HAPLN3: variants seen among roughly 807,000 people sequenced by gnomAD.
HAPLN3 encodes extracellular link domain containing, 1.
Under a neutral mutation model 28.1 loss-of-function variants are expected in HAPLN3, and 28 were observed. That is an observed-to-expected ratio of 1.00 (90% CI 0.74 to 1.37). HAPLN3 has a LOEUF of 1.37. HAPLN3 is among the 40% of genes most tolerant of loss of function. HAPLN3 has a pLI of 0.00. For missense variants in HAPLN3, 513 were observed against 504.6 expected (o/e 1.02, Z -0.16); for synonymous variants, 211 against 213.1 (o/e 0.99, Z 0.09).
intron 1 of HAPLN3, chr15:88,893,076 C>T (rs1348704040): frequency 7.6e-6 from 8 of 1,052,336 alleles, no homozygotes; most frequent in South Asian, 1.4e-5. Context: ...TGAGTGACTT[C>T]GGGCAAGTTC....
chr15:88,887,290 C>G lies in HAPLN3; in HGVS notation c.9G>C (p.Leu3=), dbSNP rs1897887984. ...GCAGGAGCAACGGGACCAGGAGCAACAGGCCCATCTCCTCATGCCAGGGTG... is the reference window on the plus strand; with the variant it reads ...GCAGGAGCAACGGGACCAGGAGCAAGAGGCCCATCTCCTCATGCCAGGGTG... The part of the protein sequence containing the change: MG[L]LLLVPLLLLP... Residue 3 remains leucine (L), a synonymous_variant, in exon 2 of 5, where the codon CTG becomes CTC. Transcript: ENST00000359595. 6.2e-7 allele frequency: 1 copy of G among 1,613,968 alleles called. No homozygotes were observed.
At chr15:88,883,668 A>ACATT (rs1411450331) in intron 2 of HAPLN3, among the ~76,000 whole-genome samples, 1 of 152,262 alleles carries the variant, frequency 6.6e-6, no homozygotes, top group Non-Finnish European at 1.5e-5. Context: ...TGGTAGATGT[A>ACATT]CATTCAATCA....
rs570141407 is a variant in HAPLN3 at position 88,888,492 on chromosome 15, T to C, written c.-47-1147A>G. Among the ~76,000 whole-genome samples, 1 of 152,140 alleles carries C rather than the reference T, an allele frequency of 6.6e-6. No homozygotes were observed. The highest frequency in any genetic ancestry group is 2.4e-5 in the African/African-American group (1 of 41,458). On this transcript the variant is annotated intron_variant, in intron 1 of 4. Transcript: ENST00000359595. This position sits in a 1 kb window ranked among gnomAD's most constrained non-coding sequence, Gnocchi z 4.1. ...CAACCCATGGGCTGTAGTTTGATGATTTGATTTTTTTTTAAATATTGTATT... is the reference window on the plus strand; with the variant it reads ...CAACCCATGGGCTGTAGTTTGATGACTTGATTTTTTTTTAAATATTGTATT...
rs1427669730 is a variant in HAPLN3, at chr15:88,877,461, T to A, written c.*509A>T. The A allele has an allele frequency of 1.3e-5, 2 of 153,234 alleles. No homozygotes were observed. Among genetic ancestry groups the A allele is most frequent in the African/African-American group, 4.8e-5 (2 of 41,484 alleles). 9.5% of individuals were successfully genotyped at this position (153,234 alleles called of 1,614,324 possible). A position where few individuals can be genotyped will look rare whatever the true frequency, so the allele number is the denominator to read the frequency against. On this transcript the variant is annotated 3_prime_UTR_variant, in exon 5 of 5. Transcript: ENST00000359595. This position sits in a 1 kb window ranked among gnomAD's most constrained non-coding sequence, Gnocchi z 5.1. Reference sequence around the variant, plus strand: ...TTTCTTCCTTCCCTCAGCTTTCGCCTGGAAGCCTAGAACTGGCTTCCAGCC... The same window carrying A: ...TTTCTTCCTTCCCTCAGCTTTCGCCAGGAAGCCTAGAACTGGCTTCCAGCC...
intron 1 of HAPLN3, among the ~76,000 whole-genome samples, chr15:88,889,836 G>A (rs1181189333): frequency 6.6e-6 from 1 of 152,222 alleles, no homozygotes; most frequent in Non-Finnish European, 1.5e-5. Context: ...TAGGGTGTAA[G>A]TTAAAATAGA....
chr15:88,880,896 G>T lies in HAPLN3; in HGVS notation c.493+461C>A, dbSNP rs1897678149. 6.6e-6 allele frequency among the ~76,000 whole-genome samples: 1 copy of T among 152,192 alleles called. No individual in the cohort carries two copies. Among genetic ancestry groups the T allele is most frequent in the African/African-American group, 2.4e-5 (1 of 41,454 alleles). ...CATCAGCTGGGCCTGAGTAGTGTGG[G>T]AGCTCCCTGGGCACAGGACAAGGGC... is the stretch of plus-strand genomic sequence containing the variant. On this transcript the variant is annotated intron_variant, in intron 3 of 4. Transcript: ENST00000359595. The surrounding 1 kb of genome is among the most constrained non-coding windows in gnomAD (Gnocchi z 6.0).
chr15:88,884,037 C>A (rs2141663441), intron 2 of HAPLN3, among the ~76,000 whole-genome samples: 1 of 151,704 alleles, frequency 6.6e-6, no homozygotes, highest in South Asian at 2.1e-4. Flanking sequence ...CGAGATCACA[C>A]CACTGCACTG....
Position 88,892,965 on chromosome 15 carries a change from C to T in HAPLN3, c.-48+2494G>A. 5 of 1,535,748 alleles carry T rather than the reference C, an allele frequency of 3.3e-6. 1 individual carries two copies. In the South Asian group the frequency reaches 4.8e-5, roughly 15 times the overall value. On this transcript the variant is annotated intron_variant, in intron 1 of 4. Transcript: ENST00000359595. ...CTGGAAGGCCCAAGACCAAGTCCAG[C>T]CCAGTCACCTTGGCAGTGGATAGTT...
At chr15:88,878,571 T>C (rs1897601616) in intron 4 of HAPLN3, among the ~76,000 whole-genome samples, 1 of 152,202 alleles carries the variant, frequency 6.6e-6, no homozygotes, top group Non-Finnish European at 1.5e-5. Flanking sequence ...ACCTACTATG[T>C]GTCAGACACT....
At chr15:88,882,548 G>A (rs939590) in intron 2 of HAPLN3, among the ~76,000 whole-genome samples, 34,596 of 152,092 alleles carry the variant, frequency 0.23, 4,068 homozygotes, top group Middle Eastern at 0.25. Context: ...AGGAGACTAC[G>A]CTCACGGCTC....
At chr15:88,885,207 C>T (rs1765485762) in intron 2 of HAPLN3, among the ~76,000 whole-genome samples, 1 of 152,248 alleles carries the variant, frequency 6.6e-6, no homozygotes, top group Non-Finnish European at 1.5e-5. Flanking sequence ...GTGCGCTCTT[C>T]ATGGCAGGTG....
chr15:88,891,146 C>T (rs948712592), intron 1 of HAPLN3, among the ~76,000 whole-genome samples: 3 of 152,192 alleles, frequency 2.0e-5, no homozygotes, highest in African/African-American at 7.2e-5. Context: ...TCCCAAAGTG[C>T]TGGGATTACA....
intron 1 of HAPLN3, chr15:88,893,116 T>TA (rs147237068): frequency 0.06 from 46,227 of 776,444 alleles, 1,912 homozygotes; most frequent in East Asian, 0.17. Context: ...TCCTCATCTG[T>TA]AAAAAAAAGG....
At position 88,887,224 on chromosome 15, in the gene HAPLN3, G is replaced by C. The variant is rs564479272; in HGVS notation, c.75C>G (p.Tyr25Ter). 5.0e-6 allele frequency: 8 copies of C among 1,614,160 alleles called. No homozygotes were observed. In the East Asian group the frequency reaches 1.3e-4, roughly 27 times the overall value. The stretch of plus-strand genomic sequence containing the variant: ...TCTGGTCGTTGGCGCTGTTGGAGTA[G>C]TAGAAGCCGTTGTAGAAGGGCAGTC... ...SYGLPFYNGF[Y>*]YSNSANDQNL... Residue 25 changes from tyrosine to a stop codon, truncating the protein, a stop_gained, in exon 2 of 5, where the codon TAC (tyrosine) becomes TAG (stop). Transcript: ENST00000359595. LOFTEE classifies it high-confidence loss of function.
At position 88,881,744 on chromosome 15, in the gene HAPLN3, TG is replaced by T. The variant is rs1734661511; in HGVS notation, c.125-20del. On this transcript the variant is annotated intron_variant, in intron 2 of 4. Coordinates refer to ENST00000359595, the MANE Select transcript of HAPLN3 (RefSeq NM_178232.4). This position sits in a 1 kb window ranked among gnomAD's most constrained non-coding sequence, Gnocchi z 6.0. ...AGGAGGTCTTGGGGGAGAGACAGGG[TG>T]CAGATGAGACCTGCTGAAGCACATC... The T allele has an allele frequency of 6.3e-7, 1 of 1,594,154 alleles. No individual in the cohort carries two copies. The highest frequency in any genetic ancestry group is 1.7e-5 in the Admixed American group (1 of 59,022).
chr15:88,890,985 T>C (rs1043995371), intron 1 of HAPLN3, among the ~76,000 whole-genome samples: 5 of 151,806 alleles, frequency 3.3e-5, no homozygotes, highest in Non-Finnish European at 7.4e-5. Flanking sequence ...CAAGCAATTC[T>C]TCCTGCCTCA....
chr15:88,895,410 C>G lies in HAPLN3; in HGVS notation c.-48+49G>C. 6.6e-6 allele frequency: 1 copy of G among 152,520 alleles called. No homozygotes were observed. Among genetic ancestry groups the G allele is most frequent in the African/African-American group, 2.4e-5 (1 of 41,454 alleles). The allele number at this position is 152,520 out of a possible 1,614,324, so 9.4% of individuals were successfully genotyped here. A position where few individuals can be genotyped will look rare whatever the true frequency, so the allele number is the denominator to read the frequency against. On this transcript the variant is annotated intron_variant, in intron 1 of 4. Coordinates refer to ENST00000359595, the MANE Select transcript of HAPLN3 (RefSeq NM_178232.4). The surrounding 1 kb of genome is among the most constrained non-coding windows in gnomAD (Gnocchi z 5.5). The stretch of plus-strand genomic sequence containing the variant: ...GGCACCCAAAGCGGTAAGGGAGGAA[C>G]CCGGCCCGCACACAGCCCCAGAAGC...
rs376766759 is a variant in HAPLN3, at chr15:88,878,300, C to T, written c.797-44G>A. The T allele has an allele frequency of 1.7e-5, 27 of 1,553,084 alleles. 1 individual carries two copies. The Admixed American group carries it at 3.0e-4, about 17-fold the overall frequency. On this transcript the variant is annotated intron_variant, in intron 4 of 4. Coordinates refer to ENST00000359595, the MANE Select transcript of HAPLN3 (RefSeq NM_178232.4). ...GAGTGCCGTACAGCGCAGGGGGCAG[C>T]CAGAGAGCACAGCGGGGTCTGCAGA...
At position 88,878,010 on chromosome 15, in the gene HAPLN3, T is replaced by A; in HGVS notation, c.1043A>T (p.Gln348Leu). ...GCAGTAAACACCGTACAAGCGGCTC[T>A]GCGGGTCGGGGAAGCCAAAGCTTCG... ...GVRSFGFPDP[Q>L]SRLYGVYCYR... is the part of the protein sequence containing the mutation. Residue 348 changes from glutamine (Q) to leucine (L), a missense_variant, in exon 5 of 5, where the codon CAG (glutamine) becomes CTG (leucine). Physicochemically the swap from Gln to Leu is moderately radical, Grantham distance 113. Coordinates refer to ENST00000359595, the MANE Select transcript of HAPLN3 (RefSeq NM_178232.4). 6.2e-7 allele frequency: 1 copy of A among 1,613,720 alleles called. No homozygotes were observed. Among genetic ancestry groups the A allele is most frequent in the Non-Finnish European group, 8.5e-7 (1 of 1,179,866 alleles).
Sources: gnomAD v4.1 joint callset for allele counts (sites outside exome capture counted in the v4.1 genomes callset) on GRCh38, gnomAD v4.1.1 for gene constraint, Gnocchi (gnomAD v3.1) non-coding constraint, MANE v1.5 for transcripts, NCBI Gene and HGNC (gene_info 2026-07-23, HGNC 2026-07-21) for gene names.